PNLIP: variants seen among roughly 807,000 people sequenced by gnomAD.
PNLIP encodes pancreatic triacylglycerol lipase.
In PNLIP, 49 loss-of-function variants were observed where a neutral mutation model predicts 57.1. The ratio of observed to expected loss-of-function variants is 0.86; its 90% CI spans 0.68 to 1.09. The LOEUF (loss-of-function observed/expected upper bound fraction) is 1.09, where lower values mean the gene tolerates loss of function less well. PNLIP is among the 50% of genes least tolerant of loss of function. PNLIP has a pLI of 0.00. For missense variants in PNLIP, 503 were observed against 570.2 expected (o/e 0.88, Z 1.20); for synonymous variants, 209 against 200.4 (o/e 1.04, Z -0.36).
chr10:116,550,495 G>A (rs1422054579), intron 4 of PNLIP, among the ~76,000 whole-genome samples: 9 of 152,086 alleles, frequency 5.9e-5, no homozygotes, highest in African/African-American at 1.7e-4. Context: ...TATCTGGTAG[G>A]CAATGTTTTC....
At chr10:116,554,383 C>A (rs1292548603) in intron 6 of PNLIP, among the ~76,000 whole-genome samples, 1 of 152,144 alleles carries the variant, frequency 6.6e-6, no homozygotes, top group African/African-American at 2.4e-5. Flanking sequence ...TCAAACATAA[C>A]CCCAGAGTTG....
chr10:116,567,719 TG>T lies in PNLIP; in HGVS notation c.1335-15del, dbSNP rs1847385156. 2 of 1,611,000 alleles carry T rather than the reference TG, an allele frequency of 1.2e-6. No individual in the cohort carries two copies. Among genetic ancestry groups the T allele is most frequent in the Non-Finnish European group, 1.7e-6 (2 of 1,177,296 alleles). On this transcript the variant is annotated splice_polypyrimidine_tract_variant and intron_variant, in intron 12 of 12. Coordinates refer to ENST00000369221, the MANE Select transcript of PNLIP (RefSeq NM_000936.4). Reference sequence around the variant, plus strand: ...CCAGGAAGAGGAGGTGACTTTGTGTTGTTTTTTCTCCACAGGTTCAACTTCT... The same window carrying T: ...CCAGGAAGAGGAGGTGACTTTGTGTTTTTTTTCTCCACAGGTTCAACTTCT...
chr10:116,563,161 TG>T (rs1382395007), intron 12 of PNLIP, among the ~76,000 whole-genome samples: 6 of 152,208 alleles, frequency 3.9e-5, no homozygotes, highest in African/African-American at 1.4e-4. Flanking sequence ...AGTAAAGGCA[TG>T]GCATATACAG....
At chr10:116,566,790 G>C (rs997519374) in intron 12 of PNLIP, among the ~76,000 whole-genome samples, 1 of 152,108 alleles carries the variant, frequency 6.6e-6, no homozygotes, top group Admixed American at 6.6e-5. Flanking sequence ...ATTGATAACA[G>C]TTTTAACCTT....
At chr10:116,556,343 T>C (rs767560825) in intron 9 of PNLIP, among the ~76,000 whole-genome samples, 24 of 152,228 alleles carry the variant, frequency 1.6e-4, no homozygotes, top group Non-Finnish European at 2.9e-4. Flanking sequence ...TTTGTATGCA[T>C]TGGGTAAATG....
chr10:116,551,008 G>A, intron 4 of PNLIP, 90 bp from the exon 5 acceptor site: 1 of 1,082,676 alleles, frequency 9.2e-7, no homozygotes, highest in Non-Finnish European at 1.3e-6. Flanking sequence ...GTGGGTCAAG[G>A]AGGGAATTTA....
At position 116,559,401 on chromosome 10, in the gene PNLIP, G is replaced by C. The variant is rs547498744; in HGVS notation, c.1060+118G>C. On this transcript the variant is annotated intron_variant, in intron 10 of 12. Coordinates refer to ENST00000369221, the MANE Select transcript of PNLIP (RefSeq NM_000936.4). ...AAGCTTTAAACACCCCCTCTGCAAG[G>C]TGGAAAAATGCTCAATGCTATGTTC... The C allele has an allele frequency of 1.0e-4, 73 of 727,136 alleles. No homozygotes were observed. In the African/African-American group the frequency reaches 1.1e-3, roughly 11 times the overall value. The allele number at this position is 727,136 out of a possible 1,614,324, so 45.0% of individuals were successfully genotyped here. A position where few individuals can be genotyped will look rare whatever the true frequency, so the allele number is the denominator to read the frequency against.
At chr10:116,567,166 CT>C (rs1847377638) in intron 12 of PNLIP, among the ~76,000 whole-genome samples, 2 of 144,462 alleles carry the variant, frequency 1.4e-5, no homozygotes, top group Admixed American at 1.4e-4. Flanking sequence ...TCTTTTCTTT[CT>C]TTCTCTTTCT....
intron 11 of PNLIP, 21 bp downstream of exon 11, chr10:116,560,545 C>G (rs779686538): frequency 5.7e-6 from 4 of 703,248 alleles, no homozygotes; most frequent in East Asian, 5.9e-5. Context: ...TAATATTGCT[C>G]TATGCTTTTT....
intron 2 of PNLIP, 124 bp downstream of exon 2, chr10:116,546,262 G>A (rs1361367627): frequency 1.2e-6 from 1 of 807,340 alleles, no homozygotes; most frequent in African/African-American, 1.7e-5. Context: ...GTAAAGCACA[G>A]GAGACGCATA....
intron 4 of PNLIP, among the ~76,000 whole-genome samples, chr10:116,550,120 G>A (rs1324707859): frequency 1.4e-5 from 2 of 140,962 alleles, no homozygotes; most frequent in African/African-American, 2.7e-5. Flanking sequence ...GTGCAGTGGC[G>A]CGATCTTGGC....
intron 5 of PNLIP, among the ~76,000 whole-genome samples, chr10:116,552,570 CA>C (rs1358309685): frequency 5.9e-5 from 9 of 152,054 alleles, no homozygotes; most frequent in African/African-American, 2.2e-4. Context: ...AAGGTTATTA[CA>C]AAAAGTTAAA....
chr10:116,555,534 T>A, intron 8 of PNLIP, 27 bp downstream of exon 8: 1 of 1,605,840 alleles, frequency 6.2e-7, no homozygotes, highest in Non-Finnish European at 8.5e-7. Flanking sequence ...TAGAAAGAGA[T>A]CTTCTTGGGA....
intron 9 of PNLIP, among the ~76,000 whole-genome samples, chr10:116,556,800 A>G (rs1166161918): frequency 2.0e-5 from 3 of 151,992 alleles, no homozygotes; most frequent in Non-Finnish European, 4.4e-5. Context: ...AAACCTATGG[A>G]TTTAATAAGA....
At position 116,551,177 on chromosome 10, in the gene PNLIP, C is replaced by T. The variant is rs778815857; in HGVS notation, c.404C>T (p.Ser135Leu). ...GGSRTGYTQASQNIRIVGAEV... is the reference protein window; with the variant it reads ...GGSRTGYTQALQNIRIVGAEV... ...TCCCGAACTGGATACACACAAGCCTCGCAGAACATCAGGATCGTGGGAGCA... is the reference window on the plus strand; with the variant it reads ...TCCCGAACTGGATACACACAAGCCTTGCAGAACATCAGGATCGTGGGAGCA... Residue 135 changes from serine (S) to leucine (L), a missense_variant, in exon 5 of 13, where the codon TCG becomes TTG. Coordinates refer to ENST00000369221, the MANE Select transcript of PNLIP (RefSeq NM_000936.4). 9.3e-6 allele frequency: 15 copies of T among 1,612,342 alleles called. No homozygotes were observed. The highest frequency in any genetic ancestry group is 1.3e-5 in the African/African-American group (1 of 74,710).
intron 5 of PNLIP, among the ~76,000 whole-genome samples, chr10:116,552,615 G>A (rs1382923873): frequency 2.6e-5 from 4 of 152,160 alleles, no homozygotes; most frequent in African/African-American, 4.8e-5. Context: ...GGCCTGGCAC[G>A]GTGGCTCACG....
In PNLIP at chr10:116,553,708, A is replaced by T; in HGVS notation, c.460-19A>T. The T allele has an allele frequency of 6.6e-7, 1 of 1,504,700 alleles. No individual in the cohort carries two copies. Among genetic ancestry groups the T allele is most frequent in the Non-Finnish European group, 9.3e-7 (1 of 1,080,648 alleles). The allele number at this position is 1,504,700 out of a possible 1,614,324, so 93.2% of individuals were successfully genotyped here. ...TGACTGCACTTGAAAACATTCTGAA[A>T]AGGTTTTCTTTCCGACAGTCGGCGT... On this transcript the variant is annotated intron_variant, in intron 5 of 12. Coordinates refer to ENST00000369221, the MANE Select transcript of PNLIP (RefSeq NM_000936.4).
At chr10:116,567,213 T>C (rs1250398126) in intron 12 of PNLIP, among the ~76,000 whole-genome samples, 2 of 151,964 alleles carry the variant, frequency 1.3e-5, no homozygotes, top group Non-Finnish European at 2.9e-5. Flanking sequence ...TTTTTTCTCT[T>C]TCTCTCTTTC....
chr10:116,548,371 A>T lies in PNLIP; in HGVS notation c.213A>T (p.Ala71=), dbSNP rs761348100. ...ENPNNFQEVA[A]DSSSISGSNF... ...TTCTGTCTAAACAGGAAGTTGCCGC[A>T]GATTCATCAAGCATCAGTGGCTCCA... The change falls in exon 4 of 13, where the codon GCA becomes GCT. Residue 71 remains alanine, a synonymous_variant. Transcript: ENST00000369221. 8.1e-6 allele frequency: 13 copies of T among 1,613,910 alleles called. No homozygotes were observed. The highest frequency in any genetic ancestry group is 1.0e-5 in the Non-Finnish European group (12 of 1,179,930).
Sources: gnomAD v4.1 joint callset for allele counts (sites outside exome capture counted in the v4.1 genomes callset) on GRCh38, gnomAD v4.1.1 for gene constraint, MANE v1.5 for transcripts, NCBI Gene and HGNC (gene_info 2026-07-23, HGNC 2026-07-21) for gene names.